The following FAM227A variants were observed in gnomAD, a reference collection of about 807,000 sequenced individuals.
FAM227A encodes protein FAM227A.
In FAM227A, 80 loss-of-function variants were observed where a neutral mutation model predicts 74.7. The ratio of observed to expected loss-of-function variants is 1.07; its 90% confidence interval spans 0.89 to 1.29. FAM227A has a LOEUF of 1.29. Among genes scored for constraint, FAM227A ranks in the 50% most tolerant of loss-of-function variants. FAM227A has a pLI of 0.00. For missense variants in FAM227A, 654 were observed against 683.4 expected, an observed-to-expected ratio of 0.96 and a Z score of 0.48; for synonymous variants, 237 against 241.8, an observed-to-expected ratio of 0.98 and a Z score of 0.19.
intron 6 of FAM227A, among the ~76,000 whole-genome samples, chr22:38,634,893 G>A (rs755319236): frequency 9.2e-5 from 14 of 152,156 alleles, no homozygotes; most frequent in Non-Finnish European, 2.1e-4. Flanking sequence ...AAGTCCGAAT[G>A]TAAGAAACAG....
intron 6 of FAM227A, among the ~76,000 whole-genome samples, chr22:38,631,004 C>T (rs1177839350): frequency 6.6e-6 from 1 of 152,116 alleles, no homozygotes; most frequent in Non-Finnish European, 1.5e-5. Context: ...CCTGTCTCTA[C>T]TAAAAATACA....
At chr22:38,630,875 A>C (rs2091902676) in intron 6 of FAM227A, among the ~76,000 whole-genome samples, 1 of 152,186 alleles carries the variant, frequency 6.6e-6, no homozygotes, top group Admixed American at 6.5e-5. Flanking sequence ...TACGAGTAAA[A>C]ATAACTGGAT....
At chr22:38,615,411 G>T (rs569828308) in intron 11 of FAM227A, among the ~76,000 whole-genome samples, 1 of 152,328 alleles carries the variant, frequency 6.6e-6, no homozygotes, top group East Asian at 1.9e-4. Context: ...ATTGAGATAG[G>T]TTATGGGAAG....
rs1486796827 is a variant in FAM227A, at chr22:38,585,389, A to G, written c.*736T>C. ...GGAGTCACACAGAAACACATTACAG[A>G]TGTCATGTCCCTGGGCTGAGTTTAG... On this transcript the variant is annotated 3_prime_UTR_variant, in exon 17 of 17. Transcript: ENST00000535113. 6.6e-6 allele frequency: 1 copy of G among 152,174 alleles called. No individual in the cohort carries two copies. The highest frequency in any genetic ancestry group is 6.6e-5 in the Admixed American group (1 of 15,262). 9.4% of individuals were successfully genotyped at this position (152,174 alleles called of 1,614,324 possible). A position where few individuals can be genotyped will look rare whatever the true frequency, so the allele number is the denominator to read the frequency against.
At chr22:38,594,342 AC>A (rs1379010139) in intron 15 of FAM227A, among the ~76,000 whole-genome samples, 1 of 152,002 alleles carries the variant, frequency 6.6e-6, no homozygotes, top group East Asian at 1.9e-4. Context: ...GTCCTCCCTG[AC>A]TTATGTGGTT....
Position 38,650,028 on chromosome 22 carries a change from G to C in FAM227A, c.141C>G (p.Pro47=). The change falls in exon 2 of 17, where the codon CCC becomes CCG. Residue 47 remains proline, a splice_region_variant and synonymous_variant. Transcript: ENST00000535113. ...TVRKELENNP[P]SCLIGSMHQV... ...TAGGTGACATCACCAGAAGGATACAGGGTGGATTGTTCTCTAACTCCTTCC... is the reference window on the plus strand; with the variant it reads ...TAGGTGACATCACCAGAAGGATACACGGTGGATTGTTCTCTAACTCCTTCC... 1 of 1,552,208 alleles carries C rather than the reference G, an allele frequency of 6.4e-7. No homozygotes were observed. The highest frequency in any genetic ancestry group is 8.7e-7 in the Non-Finnish European group (1 of 1,147,080).
intron 2 of FAM227A, among the ~76,000 whole-genome samples, chr22:38,646,903 C>T (rs1195535185): frequency 1.3e-5 from 2 of 151,970 alleles, no homozygotes; most frequent in East Asian, 1.9e-4. Flanking sequence ...GTAATCCCAG[C>T]ACTTTGGGAG....
Position 38,650,249 on chromosome 22 carries a change from G to T in FAM227A, c.-81C>A. ...ATTTCCCACTCCAATCTTGTCGTTTGTTTAATCAGCCTCCTGGAAATCATA... is the reference window on the plus strand; with the variant it reads ...ATTTCCCACTCCAATCTTGTCGTTTTTTTAATCAGCCTCCTGGAAATCATA... On this transcript the variant is annotated 5_prime_UTR_variant, in exon 2 of 17. Transcript: ENST00000535113. 7.2e-7 allele frequency: 1 copy of T among 1,387,360 alleles called. No individual in the cohort carries two copies. Among genetic ancestry groups the T allele is most frequent in the African/African-American group, 1.4e-5 (1 of 69,500 alleles). The allele number at this position is 1,387,360 out of a possible 1,614,324, so 85.9% of individuals were successfully genotyped here.
At position 38,589,225 on chromosome 22, in the gene FAM227A, G is replaced by A. The variant is rs549010187; in HGVS notation, c.1638+2210C>T. ...AGCCAAGGACAGCCACGGACTGCTG[G>A]CAACCGCACGAAGCTAGGGAGAGGC... On this transcript the variant is annotated intron_variant, in intron 16 of 16. Coordinates refer to ENST00000535113, the MANE Select transcript of FAM227A (RefSeq NM_001013647.2). Among the ~76,000 whole-genome samples the A allele has an allele frequency of 4.1e-4, 63 of 152,270 alleles. 1 individual carries two copies. The highest frequency in any genetic ancestry group is 6.8e-3 in the Middle Eastern group (2 of 294).
chr22:38,591,542 T>G lies in FAM227A; in HGVS notation c.1533-2A>C, dbSNP rs896631358. ...TTTGGATCAATATTCTTCATTTCCC[T>G]GGGAGGAAAACACAGAGACATATGG... On this transcript the variant is annotated splice_acceptor_variant, in intron 15 of 16. Coordinates refer to ENST00000535113, the MANE Select transcript of FAM227A (RefSeq NM_001013647.2). LOFTEE classifies it high-confidence loss of function. 2.4e-5 allele frequency: 37 copies of G among 1,538,684 alleles called. No individual in the cohort carries two copies. The Admixed American group carries it at 7.7e-4, about 32-fold the overall frequency.
At chr22:38,619,163 A>G (rs930410604) in intron 11 of FAM227A, among the ~76,000 whole-genome samples, 1 of 152,106 alleles carries the variant, frequency 6.6e-6, no homozygotes, top group Admixed American at 6.6e-5. Context: ...AGGAAATAAA[A>G]GAAGTCCCCT....
At chr22:38,607,547 G>A in intron 11 of FAM227A, 71 bp from the exon 12 acceptor site, 1 of 1,061,764 alleles carries the variant, frequency 9.4e-7, no homozygotes, top group African/African-American at 1.6e-5. Flanking sequence ...TTGGCAGTGA[G>A]AGAAATACAA....
At position 38,656,169 on chromosome 22, in the gene FAM227A, G is replaced by C. The variant is rs114760034; in HGVS notation, c.-144C>G. On this transcript the variant is annotated 5_prime_UTR_variant, in exon 1 of 17. Transcript: ENST00000535113. ...GAACCCGGGGCCGGTCCCGCCACGG[G>C]TCCCTCAGGGGACCCCGCAAAGTTC... The C allele has an allele frequency of 8.9e-4, 136 of 152,374 alleles. No homozygotes were observed. Among genetic ancestry groups the C allele is most frequent in the African/African-American group, 3.1e-3 (128 of 41,588 alleles). 9.4% of individuals were successfully genotyped at this position (152,374 alleles called of 1,614,324 possible).
chr22:38,589,829 A>G (rs1207001384), intron 16 of FAM227A, among the ~76,000 whole-genome samples: 1 of 152,124 alleles, frequency 6.6e-6, no homozygotes, highest in African/African-American at 2.4e-5. Flanking sequence ...GAACAAAGAC[A>G]TTTTTTCATG....
intron 1 of FAM227A, among the ~76,000 whole-genome samples, chr22:38,651,710 GTTTT>G (rs2092324618): frequency 6.6e-6 from 1 of 152,066 alleles, no homozygotes; most frequent in Admixed American, 6.6e-5. Context: ...AACATGGTAA[GTTTT>G]TACTGCCATT....
intron 14 of FAM227A, among the ~76,000 whole-genome samples, chr22:38,599,257 G>C (rs1426651608): frequency 6.6e-6 from 1 of 151,980 alleles, no homozygotes; most frequent in Non-Finnish European, 1.5e-5. Flanking sequence ...TACCACGCCT[G>C]GCCAACCACA....
chr22:38,597,329 G>A lies in FAM227A; in HGVS notation c.1407C>T (p.Val469=), dbSNP rs1264136990. The A allele has an allele frequency of 2.6e-6, 4 of 1,551,732 alleles. No homozygotes were observed. In the African/African-American group the frequency reaches 5.5e-5, roughly 21 times the overall value. Residue 469 remains valine (V), a synonymous_variant, in exon 15 of 17, where the codon GTC becomes GTT. Coordinates refer to ENST00000535113, the MANE Select transcript of FAM227A (RefSeq NM_001013647.2). ...TPDCTPTYTD[V]ISETLCSMKK... is the part of the protein sequence containing the mutation. ...TCATGCTGCACAGGGTCTCGCTGAT[G>A]ACATCAGTATACGTTGGGGTGCAGT... is the stretch of plus-strand genomic sequence containing the variant.
At chr22:38,630,166 C>T (rs1053721085) in intron 6 of FAM227A, among the ~76,000 whole-genome samples, 2 of 152,230 alleles carry the variant, frequency 1.3e-5, no homozygotes, top group Non-Finnish European at 2.9e-5. Flanking sequence ...TTTACCCGCA[C>T]TCACACACAG....
rs1458875461 is a variant in FAM227A at position 38,585,192 on chromosome 22, G to A, written c.*933C>T. 1 of 152,090 alleles carries A rather than the reference G, an allele frequency of 6.6e-6. No homozygotes were observed. Among genetic ancestry groups the A allele is most frequent in the East Asian group, 1.9e-4 (1 of 5,198 alleles). The allele number at this position is 152,090 out of a possible 1,614,324, so 9.4% of individuals were successfully genotyped here. ...TTTACTATTCCTTGTCTCATGAACT[G>A]GGAGTGACTAAATGTGTCCCTAGTT... On this transcript the variant is annotated 3_prime_UTR_variant, in exon 17 of 17. Coordinates refer to ENST00000535113, the MANE Select transcript of FAM227A (RefSeq NM_001013647.2).
Sources: allele counts gnomAD v4.1 joint callset (sites outside exome capture counted in the v4.1 genomes callset), GRCh38; gene constraint gnomAD v4.1.1; transcripts MANE v1.5; gene names NCBI Gene and HGNC (gene_info 2026-07-23, HGNC 2026-07-21).